STK3: variants seen among roughly 807,000 people sequenced by gnomAD.
STK3 encodes serine/threonine kinase 3.
A neutral mutation model predicts 58.0 loss-of-function variants in STK3; 41 were observed. The observed-to-expected ratio is 0.71, with a 90% confidence interval of 0.55 to 0.92. The LOEUF (loss-of-function observed/expected upper bound fraction) is 0.92. STK3 is among the 40% of genes least tolerant of loss of function. The pLI, the probability that STK3 is intolerant of heterozygous loss-of-function variation, is 0.00. For synonymous variants in STK3, 170 were observed against 191.0 expected (o/e 0.89, Z 0.91); for missense variants, 479 against 602.7 (o/e 0.79, Z 2.15).
At chr8:98,469,264 G>A (rs557046335) in intron 10 of STK3, among the ~76,000 whole-genome samples, 2 of 147,532 alleles carry the variant, frequency 1.4e-5, no homozygotes, top group Admixed American at 6.8e-5. Flanking sequence ...GGGGCGGGGG[G>A]GCGGTCTGAG....
intron 8 of STK3, among the ~76,000 whole-genome samples, chr8:98,565,905 T>A (rs760626271): frequency 3.9e-5 from 6 of 152,156 alleles, no homozygotes; most frequent in Non-Finnish European, 7.4e-5. Flanking sequence ...AGTTGACCCA[T>A]CTCAACACCT....
intron 1 of STK3, among the ~76,000 whole-genome samples, chr8:98,781,750 G>C (rs757619875): frequency 1.8e-4 from 27 of 151,542 alleles, no homozygotes; most frequent in Admixed American, 2.6e-4. Flanking sequence ...CTTAAGCAAA[G>C]CAAAATTCAA....
intron 9 of STK3, among the ~76,000 whole-genome samples, chr8:98,536,676 C>T (rs1809791594): frequency 6.6e-6 from 1 of 152,098 alleles, no homozygotes; most frequent in African/African-American, 2.4e-5. Context: ...TCTGCCAGTG[C>T]CGGATACTCT....
downstream of STK3, among the ~76,000 whole-genome samples, chr8:98,370,053 G>A (rs891185361): frequency 3.4e-4 from 52 of 151,994 alleles, no homozygotes; most frequent in African/African-American, 1.3e-3. Flanking sequence ...GGGATGGATG[G>A]GGCCTCACAG....
At chr8:98,472,706 G>A (rs1241437229) in intron 10 of STK3, among the ~76,000 whole-genome samples, 1 of 152,006 alleles carries the variant, frequency 6.6e-6, no homozygotes, top group Non-Finnish European at 1.5e-5. Context: ...GCCTATCATA[G>A]GCTTTATCAT....
chr8:98,743,394 T>C (rs377462635), intron 4 of STK3, among the ~76,000 whole-genome samples: 1 of 151,988 alleles, frequency 6.6e-6, no homozygotes, highest in Non-Finnish European at 1.5e-5. Context: ...GAGATATAGA[T>C]CAATGGAACA....
chr8:98,793,404 G>A (rs912712531), intron 1 of STK3, among the ~76,000 whole-genome samples: 5 of 152,084 alleles, frequency 3.3e-5, no homozygotes, highest in East Asian at 1.9e-4. Context: ...CAGATGTGGC[G>A]GCACAAGCCT....
chr8:98,749,947 T>C (rs1400347968), intron 3 of STK3, among the ~76,000 whole-genome samples: 1 of 152,142 alleles, frequency 6.6e-6, no homozygotes, highest in Non-Finnish European at 1.5e-5. Flanking sequence ...GAATAAACTA[T>C]GTTTATAGCC....
intron 1 of STK3, among the ~76,000 whole-genome samples, chr8:98,893,464 AAG>A (rs1564087083): frequency 9.4e-6 from 1 of 106,488 alleles, no homozygotes. Flanking sequence ...GAAAGAAAGA[AAG>A]AAAGAAAGAA....
At chr8:98,694,235 G>T (rs564083433) in intron 6 of STK3, among the ~76,000 whole-genome samples, 1 of 152,234 alleles carries the variant, frequency 6.6e-6, no homozygotes, top group South Asian at 2.1e-4. Context: ...CATTATTTTT[G>T]AAAACATCAT....
chr8:98,703,486 C>G (rs1238788667), intron 6 of STK3, among the ~76,000 whole-genome samples: 1 of 152,198 alleles, frequency 6.6e-6, no homozygotes, highest in Non-Finnish European at 1.5e-5. Flanking sequence ...TTAACTACCA[C>G]TTTATCTCCT....
the STK3 span, among the ~76,000 whole-genome samples, chr8:98,359,344 TAAAAAAA>T: frequency 0.02 from 1,138 of 55,758 alleles, 25 homozygotes; most frequent in African/African-American, 0.066. Context: ...CCATCTCAAC[TAAAAAAA>T]AAAAAAAAAA....
chr8:98,867,222 C>A (rs530321733), intron 3 of STK3, among the ~76,000 whole-genome samples: 10 of 152,224 alleles, frequency 6.6e-5, no homozygotes, highest in Non-Finnish European at 1.3e-4. Context: ...TGGAGACCAG[C>A]CTGGGCAACA....
At chr8:98,460,339 T>C (rs1171845489) in intron 10 of STK3, among the ~76,000 whole-genome samples, 1 of 152,234 alleles carries the variant, frequency 6.6e-6, no homozygotes, top group African/African-American at 2.4e-5. Flanking sequence ...ATTTATCCAA[T>C]GCCTGTACCC....
chr8:98,617,963 G>C (rs1393566494), intron 6 of STK3, among the ~76,000 whole-genome samples: 1 of 152,152 alleles, frequency 6.6e-6, no homozygotes, highest in Non-Finnish European at 1.5e-5. Context: ...ACTCATTTTA[G>C]GAGGCCAGCA....
At chr8:98,870,359 G>C (rs994879380) in intron 3 of STK3, among the ~76,000 whole-genome samples, 1 of 152,218 alleles carries the variant, frequency 6.6e-6, no homozygotes, top group Non-Finnish European at 1.5e-5. Flanking sequence ...TATATACCCA[G>C]TAATGGGATG....
intron 3 of STK3, among the ~76,000 whole-genome samples, chr8:98,862,421 T>C (rs1370034845): frequency 1.3e-5 from 2 of 152,204 alleles, no homozygotes; most frequent in African/African-American, 4.8e-5. Flanking sequence ...CTCAAATCAA[T>C]GCACAGTATA....
chr8:98,801,789 T>C (rs1833566697), intron 1 of STK3, among the ~76,000 whole-genome samples: 1 of 152,136 alleles, frequency 6.6e-6, no homozygotes, highest in South Asian at 2.1e-4. Context: ...CATTAGGATA[T>C]GCCTTTTTTT....
At chr8:98,439,622 A>G (rs1193867026) in intron 1 of STK3, among the ~76,000 whole-genome samples, 1 of 152,138 alleles carries the variant, frequency 6.6e-6, no homozygotes, top group Non-Finnish European at 1.5e-5. Context: ...ATCACACACT[A>G]TTAGGCATCA....
Sources: gnomAD v4.1 joint callset for allele counts (sites outside exome capture counted in the v4.1 genomes callset) on GRCh38, gnomAD v4.1.1 for gene constraint, MANE v1.5 for transcripts, NCBI Gene and HGNC (gene_info 2026-07-23, HGNC 2026-07-21) for gene names.